Variants in KIAA0319L observed in about 807,000 individuals in gnomAD.
The protein encoded by KIAA0319L is KIAA0319 like.
Under a neutral mutation model 120.1 loss-of-function variants are expected in KIAA0319L, and 55 were observed. The observed-to-expected ratio is 0.46, with a 90% confidence interval of 0.37 to 0.57. KIAA0319L has a LOEUF of 0.57. Ranked by LOEUF, KIAA0319L falls within the 20% of genes least tolerant of loss-of-function variation. KIAA0319L has a pLI of 0.00. For synonymous variants in KIAA0319L, 398 were observed against 471.9 expected (o/e 0.84, Z 2.03); for missense variants, 1,049 against 1,255.3 (o/e 0.84, Z 2.48).
chr1:35,526,357 G>GTATATATATACATACA (rs1398733722), intron 2 of KIAA0319L, among the ~76,000 whole-genome samples: 1 of 137,636 alleles, frequency 7.3e-6, no homozygotes, highest in African/African-American at 2.7e-5. Context: ...GTGTGTGTGT[G>GTATATATATACATACA]TATATATATA....
intron 3 of KIAA0319L, among the ~76,000 whole-genome samples, chr1:35,496,185 C>T (rs1644800072): frequency 1.3e-5 from 2 of 152,188 alleles, no homozygotes; most frequent in Non-Finnish European, 2.9e-5. Flanking sequence ...TTTGGGAGGT[C>T]GAAATGGGTA....
intron 11 of KIAA0319L, 43 bp downstream of exon 11, chr1:35,454,319 G>T: frequency 6.2e-7 from 1 of 1,608,360 alleles, no homozygotes; most frequent in South Asian, 1.1e-5. Flanking sequence ...AGGTTAAATG[G>T]ACCCACCAAT....
intron 12 of KIAA0319L, among the ~76,000 whole-genome samples, chr1:35,452,431 A>G (rs997498063): frequency 6.6e-6 from 1 of 152,190 alleles, no homozygotes; most frequent in Admixed American, 6.5e-5. Context: ...ACAGCCAGAG[A>G]GCCCTCTGCT....
At chr1:35,541,333 CTT>C (rs768545066) in intron 2 of KIAA0319L, among the ~76,000 whole-genome samples, 4 of 117,346 alleles carry the variant, frequency 3.4e-5, no homozygotes, top group East Asian at 2.5e-4. Context: ...CAAGCTACTT[CTT>C]TTTTTTTTTT....
chr1:35,463,387 C>T (rs1254204328), intron 7 of KIAA0319L, among the ~76,000 whole-genome samples: 1 of 152,154 alleles, frequency 6.6e-6, no homozygotes, highest in Admixed American at 6.5e-5. Flanking sequence ...TAGAAGCAGA[C>T]AACAAACAAG....
chr1:35,486,737 CAAA>C (rs4045085), intron 3 of KIAA0319L, among the ~76,000 whole-genome samples: 4 of 86,960 alleles, frequency 4.6e-5, no homozygotes, highest in Admixed American at 1.2e-4. Flanking sequence ...CCCATTTCTA[CAAA>C]AAAAAAAAAA....
intron 2 of KIAA0319L, among the ~76,000 whole-genome samples, chr1:35,539,017 T>C (rs527472122): frequency 1.5e-4 from 23 of 152,240 alleles, no homozygotes; most frequent in Non-Finnish European, 3.1e-4. Context: ...AAAAATGGTA[T>C]TAATTCTAGG....
chr1:35,530,675 A>G (rs1470412239), intron 2 of KIAA0319L, among the ~76,000 whole-genome samples: 3 of 152,134 alleles, frequency 2.0e-5, no homozygotes, highest in African/African-American at 7.2e-5. Context: ...CCTTTTGTTG[A>G]TAACTGTATA....
At chr1:35,552,212 T>C (rs1419024819) in intron 2 of KIAA0319L, among the ~76,000 whole-genome samples, 1 of 152,132 alleles carries the variant, frequency 6.6e-6, no homozygotes, top group African/African-American at 2.4e-5. Flanking sequence ...TGTGGTGGCA[T>C]GCGCCTGTAG....
In KIAA0319L at chr1:35,553,894, A is replaced by G. The variant is rs138856403; in HGVS notation, c.142+456T>C. Among the ~76,000 whole-genome samples the G allele has an allele frequency of 1.6e-4, 25 of 152,330 alleles. No homozygotes were observed. In the East Asian group the frequency reaches 4.2e-3, roughly 26 times the overall value. ...AAAAAGTAAGGAACGCATTTTTCCC[A>G]TAAGTGTAGATTCCTTTAGGAAAGG... On this transcript the variant is annotated intron_variant, in intron 2 of 20. Transcript: ENST00000325722.
At chr1:35,479,961 A>C (rs866244027) in intron 3 of KIAA0319L, among the ~76,000 whole-genome samples, 7 of 138,416 alleles carry the variant, frequency 5.1e-5, no homozygotes, top group African/African-American at 2.2e-4. Flanking sequence ...AAAAAAAAAA[A>C]AAAAAAAAAA....
chr1:35,543,415 C>A (rs1024410655), intron 2 of KIAA0319L, among the ~76,000 whole-genome samples: 2 of 152,156 alleles, frequency 1.3e-5, no homozygotes, highest in East Asian at 3.8e-4. Context: ...AGACTCATTG[C>A]TGTAAGATAT....
chr1:35,538,544 T>A (rs1016053002), intron 2 of KIAA0319L, among the ~76,000 whole-genome samples: 1 of 127,406 alleles, frequency 7.8e-6, no homozygotes, highest in African/African-American at 3.1e-5. Flanking sequence ...TGAGCTGAGA[T>A]CATGCCACTG....
rs1399307517 is a variant in KIAA0319L, at chr1:35,512,814, G to T, written c.143-5679C>A. On this transcript the variant is annotated intron_variant, in intron 2 of 20. Coordinates refer to ENST00000325722, the MANE Select transcript of KIAA0319L (RefSeq NM_024874.5). ...CCTCACCCAGGAGGTGGAGGTTGCA[G>T]TGAGCCGAGATCGCACCACTGTACT... Among the ~76,000 whole-genome samples, 5 of 146,776 alleles carry T rather than the reference G, an allele frequency of 3.4e-5. No individual in the cohort carries two copies. In the Admixed American group the frequency reaches 3.5e-4, roughly 10 times the overall value.
chr1:35,520,256 C>T (rs1414098842), intron 2 of KIAA0319L, among the ~76,000 whole-genome samples: 1 of 152,048 alleles, frequency 6.6e-6, no homozygotes, highest in Non-Finnish European at 1.5e-5. Context: ...TGTGCCACCA[C>T]GCCTGGCTAA....
chr1:35,506,917 T>G lies in KIAA0319L; in HGVS notation c.361A>C (p.Thr121Pro). The G allele has an allele frequency of 6.2e-7, 1 of 1,614,136 alleles. No homozygotes were observed. Among genetic ancestry groups the G allele is most frequent in the Non-Finnish European group, 8.5e-7 (1 of 1,180,016 alleles). The change falls in exon 3 of 21, where the codon ACA (threonine) becomes CCA (proline). Residue 121 changes from threonine (T) to proline (P), a missense_variant. Coordinates refer to ENST00000325722, the MANE Select transcript of KIAA0319L (RefSeq NM_024874.5). This position sits in a 1 kb window ranked among gnomAD's most constrained non-coding sequence, Gnocchi z 4.0. ...SRPQSCRAFR[T>P]HSSNSMLVFL... Reference sequence around the variant, plus strand: ...ACCAGCATGGAATTGGAGGAGTGTGTCCTAAAAGCCCGGCAGCTCTGGGGC... The same window carrying G: ...ACCAGCATGGAATTGGAGGAGTGTGGCCTAAAAGCCCGGCAGCTCTGGGGC...
intron 13 of KIAA0319L, 71 bp from the exon 14 acceptor site, chr1:35,450,580 T>C (rs1347696664): frequency 7.6e-6 from 11 of 1,448,534 alleles, no homozygotes; most frequent in Non-Finnish European, 9.6e-6. Context: ...ATGATGCTTA[T>C]GGGGAAATTA....
At chr1:35,451,946 T>A (rs1310784648) in intron 12 of KIAA0319L, among the ~76,000 whole-genome samples, 170 bp from the exon 13 acceptor site, 1 of 152,232 alleles carries the variant, frequency 6.6e-6, no homozygotes, top group African/African-American at 2.4e-5. Context: ...TCATTTGGCC[T>A]CAAAATACAG....
chr1:35,555,707 T>A (rs1427758045), intron 1 of KIAA0319L, among the ~76,000 whole-genome samples: 1 of 152,232 alleles, frequency 6.6e-6, no homozygotes, highest in Non-Finnish European at 1.5e-5. Flanking sequence ...CGAGTGAGTA[T>A]GCATGTGTGC....
Sources: gnomAD v4.1 joint callset for allele counts (sites outside exome capture counted in the v4.1 genomes callset) on GRCh38, gnomAD v4.1.1 for gene constraint, Gnocchi (gnomAD v3.1) non-coding constraint, MANE v1.5 for transcripts, NCBI Gene and HGNC (gene_info 2026-07-23, HGNC 2026-07-21) for gene names.